Variants in LRRC4C observed in about 807,000 individuals in gnomAD.
LRRC4C encodes leucine rich repeat containing 4C.
LRRC4C carries 5 observed loss-of-function variants against 33.6 expected under a neutral mutation model. That is an observed-to-expected ratio of 0.15 (90% CI 0.08 to 0.31). The LOEUF is 0.31. LRRC4C is among the 10% of genes least tolerant of loss of function. The pLI, the probability that LRRC4C is intolerant of heterozygous loss-of-function variation, is 1.00. For missense variants in LRRC4C, 560 were observed against 796.7 expected (o/e 0.70, Z 3.58); for synonymous variants, 329 against 302.0 (o/e 1.09, Z -0.93).
chr11:41,311,496 C>A (rs952265249), intron 1 of LRRC4C, among the ~76,000 whole-genome samples: 1 of 152,100 alleles, frequency 6.6e-6, no homozygotes, highest in Non-Finnish European at 1.5e-5. Context: ...AAAGATAAAT[C>A]TAACTTCCTC....
At chr11:40,843,006 C>T (rs1351087888) in intron 2 of LRRC4C, among the ~76,000 whole-genome samples, 2 of 152,146 alleles carry the variant, frequency 1.3e-5, no homozygotes, top group Non-Finnish European at 2.9e-5. Context: ...TTCCAAACAT[C>T]TTTTGTAGAA....
chr11:40,510,628 G>C (rs780968400), intron 3 of LRRC4C, among the ~76,000 whole-genome samples: 1 of 152,082 alleles, frequency 6.6e-6, no homozygotes, highest in African/African-American at 2.4e-5. Flanking sequence ...GCCTCTATCC[G>C]CAGCAAAATC....
Position 40,136,634 on chromosome 11 carries a change from G to A in LRRC4C, c.-43+4167C>T, listed in dbSNP as rs1284554259. 3.3e-5 allele frequency among the ~76,000 whole-genome samples: 5 copies of A among 152,070 alleles called. No homozygotes were observed. In the East Asian group the frequency reaches 9.6e-4, roughly 29 times the overall value. ...AATCCCAAGGCTACCAAGATGACCT[G>A]TGAAGGCATGGAAGAAAAATACTAA... On this transcript the variant is annotated intron_variant, in intron 6 of 6. Transcript: ENST00000528697.
intron 2 of LRRC4C, among the ~76,000 whole-genome samples, chr11:40,815,054 C>A (rs1299631869): frequency 6.6e-6 from 1 of 152,070 alleles, no homozygotes; most frequent in East Asian, 1.9e-4. Flanking sequence ...TCTAATAGGA[C>A]CAATTTACTG....
chr11:40,811,560 T>C (rs902309985), intron 2 of LRRC4C, among the ~76,000 whole-genome samples: 3 of 152,148 alleles, frequency 2.0e-5, no homozygotes, highest in South Asian at 2.1e-4. Context: ...TGCAGTGGTG[T>C]TACCTCAGCT....
At chr11:41,304,811 G>A (rs1950429265) in intron 1 of LRRC4C, among the ~76,000 whole-genome samples, 1 of 109,216 alleles carries the variant, frequency 9.2e-6, no homozygotes, top group Non-Finnish European at 1.9e-5. Context: ...CCATCCGGGA[G>A]GGAGGTGGGG....
intron 1 of LRRC4C, among the ~76,000 whole-genome samples, chr11:41,003,184 C>T (rs1213644492): frequency 1.4e-5 from 1 of 73,128 alleles, no homozygotes; most frequent in Non-Finnish European, 3.0e-5. Context: ...AAGTAAAATA[C>T]AGTTCTGAAA....
At chr11:40,621,893 A>G (rs1313230244) in intron 3 of LRRC4C, among the ~76,000 whole-genome samples, 1 of 151,858 alleles carries the variant, frequency 6.6e-6, no homozygotes, top group Non-Finnish European at 1.5e-5. Flanking sequence ...TATTATTCTG[A>G]TAATGATTCA....
intron 1 of LRRC4C, among the ~76,000 whole-genome samples, chr11:41,112,627 C>T (rs1471155800): frequency 6.6e-6 from 1 of 151,950 alleles, no homozygotes; most frequent in African/African-American, 2.4e-5. Flanking sequence ...CTGATAGGTA[C>T]CCCACTGTCA....
chr11:40,435,105 C>T (rs1394329921), intron 3 of LRRC4C, among the ~76,000 whole-genome samples: 2 of 152,122 alleles, frequency 1.3e-5, no homozygotes, highest in Non-Finnish European at 2.9e-5. Context: ...ATAAAAATAT[C>T]TGGGACACCA....
In LRRC4C at chr11:40,252,607, A is replaced by G. The variant is rs552326695; in HGVS notation, c.-175-11009T>C. Among the ~76,000 whole-genome samples the G allele has an allele frequency of 7.9e-5, 12 of 152,326 alleles. No individual in the cohort carries two copies. In the East Asian group the frequency reaches 1.9e-3, roughly 24 times the overall value. On this transcript the variant is annotated intron_variant, in intron 4 of 6. Transcript: ENST00000528697. The stretch of plus-strand genomic sequence containing the variant: ...ACTTTCATTCAGGGTTTCTGTGTGG[A>G]GCAGAGATAGCTCGAAACCCACAGG...
chr11:40,389,345 G>A (rs1031431556), intron 3 of LRRC4C, among the ~76,000 whole-genome samples: 3 of 152,030 alleles, frequency 2.0e-5, no homozygotes, highest in East Asian at 1.9e-4. Context: ...TTCATACATC[G>A]CTGTAACTTG....
At chr11:40,937,730 ACTC>A (rs1280919475) in intron 1 of LRRC4C, among the ~76,000 whole-genome samples, 1 of 150,426 alleles carries the variant, frequency 6.6e-6, no homozygotes, top group East Asian at 2.0e-4. Context: ...GCAGCCTCGA[ACTC>A]CTGTGTTCAG....
At chr11:41,440,894 A>T (rs996081205) in intron 1 of LRRC4C, among the ~76,000 whole-genome samples, 2 of 152,162 alleles carry the variant, frequency 1.3e-5, no homozygotes, top group Admixed American at 6.5e-5. Context: ...GCTATGTGGA[A>T]CTGTGAATCA....
intron 3 of LRRC4C, among the ~76,000 whole-genome samples, chr11:40,602,616 G>A (rs1960134760): frequency 6.6e-6 from 1 of 152,084 alleles, no homozygotes; most frequent in South Asian, 2.1e-4. Flanking sequence ...TAAGGAAATG[G>A]CGAGTTTTAT....
At chr11:40,874,109 A>G (rs538452861) in intron 2 of LRRC4C, among the ~76,000 whole-genome samples, 1 of 152,336 alleles carries the variant, frequency 6.6e-6, no homozygotes, top group South Asian at 2.1e-4. Context: ...AATGCACAAT[A>G]TTGGAACATG....
chr11:40,314,140 C>T (rs966502492), intron 4 of LRRC4C, among the ~76,000 whole-genome samples: 3 of 151,758 alleles, frequency 2.0e-5, no homozygotes, highest in Admixed American at 2.0e-4. Context: ...ATAAAAAGAG[C>T]TCAAACATCC....
chr11:41,002,617 G>GCAT (rs1314097140), intron 1 of LRRC4C, among the ~76,000 whole-genome samples: 11 of 152,148 alleles, frequency 7.2e-5, no homozygotes, highest in Non-Finnish European at 1.3e-4. Flanking sequence ...ACAAATAATG[G>GCAT]CATTGTATTT....
chr11:41,226,047 A>G (rs186086048), intron 1 of LRRC4C, among the ~76,000 whole-genome samples: 35 of 152,312 alleles, frequency 2.3e-4, no homozygotes, highest in Admixed American at 2.0e-3. Flanking sequence ...ATGTCATTGC[A>G]ATAATAGAAA....
Sources: gnomAD v4.1 joint callset for allele counts (sites outside exome capture counted in the v4.1 genomes callset) on GRCh38, gnomAD v4.1.1 for gene constraint, MANE v1.5 for transcripts, NCBI Gene and HGNC (gene_info 2026-07-23, HGNC 2026-07-21) for gene names.